The following SESTD1 variants were observed in gnomAD, a reference collection of about 807,000 sequenced individuals.
SESTD1 encodes SEC14 and spectrin domain containing 1.
Under a neutral mutation model 101.7 loss-of-function variants are expected in SESTD1, and 43 were observed. That is an observed-to-expected ratio of 0.42 (90% CI 0.33 to 0.55). The LOEUF is 0.55. SESTD1 is among the 20% of genes least tolerant of loss of function. The pLI is 0.07. For synonymous variants in SESTD1, 283 were observed against 286.8 expected (o/e 0.99, Z 0.13); for missense variants, 647 against 815.1 (o/e 0.79, Z 2.51).
chr2:179,244,436 G>A (rs1300918555), intron 1 of SESTD1, among the ~76,000 whole-genome samples: 2 of 150,988 alleles, frequency 1.3e-5, no homozygotes, highest in South Asian at 2.1e-4. Context: ...TACAGCCTGG[G>A]AGATACAGTG....
At chr2:179,241,908 C>G (rs1430070278) in intron 1 of SESTD1, among the ~76,000 whole-genome samples, 1 of 139,124 alleles carries the variant, frequency 7.2e-6, no homozygotes, top group Admixed American at 7.6e-5. Flanking sequence ...GGTGAAAGAG[C>G]GAGACATTGT....
At chr2:179,199,972 G>A (rs145911568) in intron 1 of SESTD1, among the ~76,000 whole-genome samples, 42,881 of 151,436 alleles carry the variant, frequency 0.28, 6,330 homozygotes, top group South Asian at 0.43. Context: ...TTAGGAAAAG[G>A]GGAAGTCAAA....
intron 1 of SESTD1, among the ~76,000 whole-genome samples, chr2:179,198,720 A>C (rs1443890176): frequency 1.3e-5 from 2 of 152,066 alleles, no homozygotes; most frequent in African/African-American, 4.8e-5. Flanking sequence ...GTACATAACG[A>C]AATGAAGGCA....
At chr2:179,260,286 T>G (rs752964152) in intron 1 of SESTD1, among the ~76,000 whole-genome samples, 1 of 152,124 alleles carries the variant, frequency 6.6e-6, no homozygotes, top group Non-Finnish European at 1.5e-5. Flanking sequence ...AAGGCCAACG[T>G]AGGCAGATTG....
chr2:179,254,906 C>T (rs1574071018), intron 1 of SESTD1, among the ~76,000 whole-genome samples: 1 of 152,168 alleles, frequency 6.6e-6, no homozygotes, highest in East Asian at 1.9e-4. Flanking sequence ...TTTTGTGTTT[C>T]TGTGTCACAT....
chr2:179,140,008 G>C (rs1243829593), intron 9 of SESTD1, among the ~76,000 whole-genome samples: 2 of 152,180 alleles, frequency 1.3e-5, no homozygotes, highest in Non-Finnish European at 2.9e-5. Flanking sequence ...GACACAGAAG[G>C]AGCTCTCGCT....
chr2:179,142,725 A>G (rs2045306631), intron 9 of SESTD1, among the ~76,000 whole-genome samples: 1 of 152,192 alleles, frequency 6.6e-6, no homozygotes, highest in Non-Finnish European at 1.5e-5. Context: ...CTCAAATGCT[A>G]CTTCCCCCAC....
chr2:179,220,432 T>C (rs2046797679), intron 1 of SESTD1, among the ~76,000 whole-genome samples: 1 of 152,204 alleles, frequency 6.6e-6, no homozygotes, highest in South Asian at 2.1e-4. Context: ...ATCACACTTG[T>C]GGAATTCCAG....
intron 16 of SESTD1, among the ~76,000 whole-genome samples, chr2:179,114,395 T>C (rs1340528287): frequency 6.6e-6 from 1 of 152,174 alleles, no homozygotes; most frequent in Non-Finnish European, 1.5e-5. Context: ...TTGTAAGAGA[T>C]CAAAACAAAA....
At chr2:179,164,687 A>G (rs971708129) in intron 5 of SESTD1, among the ~76,000 whole-genome samples, 3 of 152,212 alleles carry the variant, frequency 2.0e-5, no homozygotes, top group African/African-American at 7.2e-5. Flanking sequence ...TGAATATTCA[A>G]TTCCTGATGA....
chr2:179,230,494 T>C (rs1195152064), intron 1 of SESTD1, among the ~76,000 whole-genome samples: 1 of 151,470 alleles, frequency 6.6e-6, no homozygotes, highest in Non-Finnish European at 1.5e-5. Context: ...AAATCAGAAA[T>C]ATAAACCTGA....
rs952955393 is a variant in SESTD1 at position 179,113,067 on chromosome 2, TCAAA to T, written c.1840-226_1840-223del. ...TTATTGGCAAAATTCTTCAAGAAATTCAAACAAACAAAATGAAATACATAATTCC... is the reference window on the plus strand; with the variant it reads ...TTATTGGCAAAATTCTTCAAGAAATTCAAACAAAATGAAATACATAATTCC... On this transcript the variant is annotated intron_variant, in intron 16 of 17. Transcript: ENST00000428443. 4.7e-4 allele frequency among the ~76,000 whole-genome samples: 71 copies of T among 152,230 alleles called. 1 individual carries two copies. The highest frequency in any genetic ancestry group is 2.9e-3 in the Admixed American group (45 of 15,282).
At chr2:179,178,238 C>T (rs6722382) in intron 3 of SESTD1, among the ~76,000 whole-genome samples, 124,353 of 152,228 alleles carry the variant, frequency 0.82, 50,973 homozygotes, top group South Asian at 0.92. Flanking sequence ...TTTTTGGATG[C>T]GCATCACAAG....
chr2:179,165,567 T>C (rs1255380072), intron 5 of SESTD1, among the ~76,000 whole-genome samples: 2 of 152,224 alleles, frequency 1.3e-5, no homozygotes, highest in African/African-American at 2.4e-5. Flanking sequence ...ACTGCAGACC[T>C]TACTAGCTGG....
chr2:179,228,698 C>T (rs2046928020), intron 1 of SESTD1, among the ~76,000 whole-genome samples: 1 of 152,174 alleles, frequency 6.6e-6, no homozygotes, highest in South Asian at 2.1e-4. Flanking sequence ...CATGTAAATA[C>T]AAATCCTCCA....
In SESTD1 at chr2:179,112,916, C is replaced by T. The variant is rs1437050152; in HGVS notation, c.1840-71G>A. 10 of 1,483,328 alleles carry T rather than the reference C, an allele frequency of 6.7e-6. No homozygotes were observed. The Admixed American group carries it at 2.4e-4, about 36-fold the overall frequency. 91.9% of individuals were successfully genotyped at this position (1,483,328 alleles called of 1,614,324 possible). On this transcript the variant is annotated intron_variant, in intron 16 of 17. Coordinates refer to ENST00000428443, the MANE Select transcript of SESTD1 (RefSeq NM_178123.5). ...TCTGCAGTTTCAGAGGATCACCCCA[C>T]CCCACAAAAAAAAAGAGAGAAAAGA... is the stretch of plus-strand genomic sequence containing the variant.
At chr2:179,159,191 A>G (rs2045687474) in intron 5 of SESTD1, among the ~76,000 whole-genome samples, 1 of 152,216 alleles carries the variant, frequency 6.6e-6, no homozygotes. Flanking sequence ...AGCATGTGTA[A>G]GAGGAAAGAG....
intron 5 of SESTD1, among the ~76,000 whole-genome samples, chr2:179,171,176 C>A (rs1463069101): frequency 1.3e-5 from 2 of 152,072 alleles, no homozygotes; most frequent in Non-Finnish European, 2.9e-5. Context: ...TCAGAACTCT[C>A]AGAACTACAC....
chr2:179,130,992 T>TTATGTTGGAACCTGTGAACCATATG (rs2044999411), intron 10 of SESTD1, among the ~76,000 whole-genome samples: 7 of 150,214 alleles, frequency 4.7e-5, no homozygotes, highest in African/African-American at 1.8e-4. Context: ...GTGAAATGCA[T>TTATGTTGGAACCTGTGAACCATATG]AAAATAAATC....
Sources: gnomAD v4.1 joint callset for allele counts (sites outside exome capture counted in the v4.1 genomes callset) on GRCh38, gnomAD v4.1.1 for gene constraint, MANE v1.5 for transcripts, NCBI Gene and HGNC (gene_info 2026-07-23, HGNC 2026-07-21) for gene names.